PPP1R8: variants seen among roughly 807,000 people sequenced by gnomAD.
PPP1R8 encodes the protein nuclear inhibitor of protein phosphatase 1.
PPP1R8 carries 4 observed loss-of-function variants against 31.3 expected under a neutral mutation model. The ratio of observed to expected loss-of-function variants is 0.13; its 90% CI spans 0.06 to 0.29. The LOEUF is 0.29. Among genes scored for constraint, PPP1R8 ranks in the 10% least tolerant of loss-of-function variants. PPP1R8 has a pLI of 1.00. For missense variants in PPP1R8, 254 were observed against 440.1 expected, an observed-to-expected ratio of 0.58 and a Z score of 3.78; for synonymous variants, 170 against 169.7, an observed-to-expected ratio of 1.00 and a Z score of -0.01.
Position 27,851,229 on chromosome 1 carries a change from A to G in PPP1R8, c.*783A>G, listed in dbSNP as rs1212845281. ...ATTATGAAGGCAGTTTTCAAAGGATATGACCAGTTGGGGTAATTCAAATTA... is the reference window on the plus strand; with the variant it reads ...ATTATGAAGGCAGTTTTCAAAGGATGTGACCAGTTGGGGTAATTCAAATTA... On this transcript the variant is annotated 3_prime_UTR_variant, in exon 7 of 7. Coordinates refer to ENST00000311772, the MANE Select transcript of PPP1R8 (RefSeq NM_014110.5). The G allele has an allele frequency of 3.6e-6, 1 of 274,640 alleles. No homozygotes were observed. Among genetic ancestry groups the G allele is most frequent in the Non-Finnish European group, 7.2e-6 (1 of 138,012 alleles). The allele number at this position is 274,640 out of a possible 1,614,324, so 17.0% of individuals were successfully genotyped here. A position where few individuals can be genotyped will look rare whatever the true frequency, so the allele number is the denominator to read the frequency against.
intron 3 of PPP1R8, 73 bp from the exon 4 acceptor site, chr1:27,840,941 G>A (rs1557428710): frequency 2.7e-6 from 4 of 1,480,994 alleles, no homozygotes; most frequent in East Asian, 4.5e-5. Context: ...GAGAGTTGGC[G>A]ATCATACTCT....
At chr1:27,832,693 A>G (rs532024523) in intron 1 of PPP1R8, 63 bp from the exon 2 acceptor site, 218 of 1,396,512 alleles carry the variant, frequency 1.6e-4, no homozygotes, top group South Asian at 1.6e-4. Context: ...GAATGGGACA[A>G]TGGTTGTAAA....
At chr1:27,842,995 T>A (rs1389403658) in intron 4 of PPP1R8, among the ~76,000 whole-genome samples, 191 bp from the exon 5 acceptor site, 1 of 152,238 alleles carries the variant, frequency 6.6e-6, no homozygotes, top group Admixed American at 6.5e-5. Flanking sequence ...TTCTTTCTAA[T>A]GAGACTTGAG....
intron 5 of PPP1R8, among the ~76,000 whole-genome samples, chr1:27,845,199 G>C (rs888804720): frequency 6.7e-6 from 1 of 148,800 alleles, no homozygotes; most frequent in African/African-American, 2.5e-5. Flanking sequence ...GACCATGCTG[G>C]CTAACACGGT....
At chr1:27,842,865 T>C (rs2089236281) in intron 4 of PPP1R8, among the ~76,000 whole-genome samples, 1 of 152,194 alleles carries the variant, frequency 6.6e-6, no homozygotes, top group South Asian at 2.1e-4. Flanking sequence ...CATGATAGCC[T>C]TTCTTCAGCA....
At chr1:27,830,970 T>C (rs902568560) in intron 1 of PPP1R8, 79 bp downstream of exon 1, 2 of 1,462,166 alleles carry the variant, frequency 1.4e-6, no homozygotes, top group Non-Finnish European at 1.8e-6. Flanking sequence ...TTTTTTACTT[T>C]TCTGCTGCGA....
intron 6 of PPP1R8, among the ~76,000 whole-genome samples, chr1:27,848,729 A>G (rs991006088): frequency 2.6e-5 from 4 of 152,234 alleles, no homozygotes; most frequent in Non-Finnish European, 5.9e-5. Flanking sequence ...TTAGTCTAGT[A>G]TGGAAAAGTA....
At chr1:27,843,382 C>T (rs766681398) in intron 5 of PPP1R8, 52 bp downstream of exon 5, 50 of 1,607,758 alleles carry the variant, frequency 3.1e-5, no homozygotes, top group East Asian at 1.1e-4. Flanking sequence ...TTGGCCCGGG[C>T]GCGGTGGCTC....
chr1:27,838,882 A>T, intron 3 of PPP1R8, 30 bp downstream of exon 3: 1 of 1,477,536 alleles, frequency 6.8e-7, no homozygotes, highest in Non-Finnish European at 9.1e-7. Context: ...TTCACATGTT[A>T]CCTTTAGGCA....
intron 5 of PPP1R8, among the ~76,000 whole-genome samples, chr1:27,845,671 A>G (rs1233113950): frequency 1.3e-5 from 2 of 152,022 alleles, no homozygotes; most frequent in Non-Finnish European, 2.9e-5. Context: ...ATATGTGAAA[A>G]AATCCAGACT....
At chr1:27,842,537 A>G (rs2089233604) in intron 4 of PPP1R8, among the ~76,000 whole-genome samples, 1 of 152,110 alleles carries the variant, frequency 6.6e-6, no homozygotes, top group African/African-American at 2.4e-5. Context: ...GACATTTAGA[A>G]TATCTCAAAC....
intron 1 of PPP1R8, among the ~76,000 whole-genome samples, chr1:27,832,107 A>C (rs2089115540): frequency 6.6e-6 from 1 of 152,212 alleles, no homozygotes; most frequent in South Asian, 2.1e-4. Context: ...TCTGGTAGGT[A>C]CCAGGCACCG....
chr1:27,845,265 C>T (rs929650328), intron 5 of PPP1R8, among the ~76,000 whole-genome samples: 1 of 150,850 alleles, frequency 6.6e-6, no homozygotes, highest in Non-Finnish European at 1.5e-5. Flanking sequence ...TGGCGGGCGC[C>T]TGTAGTCCCA....
At chr1:27,846,999 C>A in intron 5 of PPP1R8, 29 bp from the exon 6 acceptor site, 1 of 1,606,106 alleles carries the variant, frequency 6.2e-7, no homozygotes, top group Non-Finnish European at 8.5e-7. Context: ...AAAGTACCAA[C>A]CCAACCCTGC....
At chr1:27,838,054 A>G (rs2089187683) in intron 2 of PPP1R8, among the ~76,000 whole-genome samples, 1 of 151,870 alleles carries the variant, frequency 6.6e-6, no homozygotes, top group African/African-American at 2.4e-5. Flanking sequence ...TACTAAAGAT[A>G]CAAAAAATTA....
At chr1:27,840,340 A>G (rs2148617039) in intron 3 of PPP1R8, among the ~76,000 whole-genome samples, 1 of 152,318 alleles carries the variant, frequency 6.6e-6, no homozygotes, top group Non-Finnish European at 1.5e-5. Flanking sequence ...TGCTTATATA[A>G]GGGTCTTGGA....
rs777258379 is a variant in PPP1R8, at chr1:27,850,246, C to T, written c.856C>T (p.Leu286Phe). ...GCCACATGGCATCCATGGGACAGCACTCATCGGTGGCTTGCCCATGCCATA... is the reference window on the plus strand; with the variant it reads ...GCCACATGGCATCCATGGGACAGCATTCATCGGTGGCTTGCCCATGCCATA... ...SQPHGIHGTA[L>F]IGGLPMPYPN... Residue 286 changes from leucine to phenylalanine, a missense_variant, in exon 7 of 7, where the codon CTC becomes TTC. Physicochemically the swap from Leu to Phe is conservative, Grantham distance 22. Transcript: ENST00000311772. 2 of 1,614,260 alleles carry T rather than the reference C, an allele frequency of 1.2e-6. No individual in the cohort carries two copies. The highest frequency in any genetic ancestry group is 1.7e-6 in the Non-Finnish European group (2 of 1,180,048).
intron 1 of PPP1R8, chr1:27,831,187 C>T (rs1417557981): frequency 1.1e-5 from 13 of 1,176,900 alleles, no homozygotes; most frequent in Admixed American, 8.7e-5. Context: ...CCCGAACTTA[C>T]GCCCAACTCT....
At chr1:27,836,994 T>C (rs1258139267) in intron 2 of PPP1R8, among the ~76,000 whole-genome samples, 1 of 152,170 alleles carries the variant, frequency 6.6e-6, no homozygotes, top group African/African-American at 2.4e-5. Context: ...TGAGAAGCAA[T>C]CTTATTACAA....
Sources: allele counts gnomAD v4.1 joint callset (sites outside exome capture counted in the v4.1 genomes callset), GRCh38; gene constraint gnomAD v4.1.1; transcripts MANE v1.5; gene names NCBI Gene and HGNC (gene_info 2026-07-23, HGNC 2026-07-21).